SGCZ: variants seen among roughly 807,000 people sequenced by gnomAD.
SGCZ encodes the protein zeta-sarcoglycan.
Under a neutral mutation model 41.3 loss-of-function variants are expected in SGCZ, and 40 were observed. The ratio of observed to expected loss-of-function variants is 0.97; its 90% CI spans 0.75 to 1.26. The LOEUF (loss-of-function observed/expected upper bound fraction) is 1.26. Ranked by LOEUF, SGCZ falls within the 50% of genes most tolerant of loss-of-function variation. SGCZ has a pLI of 0.00. For synonymous variants in SGCZ, 206 were observed against 137.5 expected (o/e 1.50, Z -3.49); for missense variants, 552 against 369.8 (o/e 1.49, Z -4.04).
In SGCZ at chr8:15,107,725, G is replaced by A. The variant is rs145347225; in HGVS notation, c.39+129860C>T. ...GTTACAGCAACACAAAACGGATTAA[G>A]ACAAGTTCTCCATACCTCAATGTTT... On this transcript the variant is annotated intron_variant, in intron 1 of 7. Coordinates refer to ENST00000382080, the MANE Select transcript of SGCZ (RefSeq NM_139167.4). 3.3e-3 allele frequency among the ~76,000 whole-genome samples: 507 copies of A among 152,212 alleles called. 2 individuals carry two copies. The highest frequency in any genetic ancestry group is 5.7e-3 in the Non-Finnish European group (385 of 68,006).
intron 2 of SGCZ, among the ~76,000 whole-genome samples, chr8:14,412,509 C>G (rs142206977): frequency 6.6e-6 from 1 of 152,090 alleles, no homozygotes; most frequent in Non-Finnish European, 1.5e-5. Context: ...TGCTGCCAGG[C>G]CTTGCCTTTT....
At chr8:15,196,451 G>T (rs1050743009) in intron 1 of SGCZ, among the ~76,000 whole-genome samples, 1 of 152,074 alleles carries the variant, frequency 6.6e-6, no homozygotes, top group Non-Finnish European at 1.5e-5. Context: ...TACATGAAAT[G>T]TTATCATCCT....
At chr8:15,060,994 C>T (rs538990945) in intron 1 of SGCZ, among the ~76,000 whole-genome samples, 1 of 152,256 alleles carries the variant, frequency 6.6e-6, no homozygotes, top group Admixed American at 6.5e-5. Flanking sequence ...TTCCTCCCTG[C>T]CTTCTGGATC....
chr8:14,544,394 C>G (rs766293564), intron 2 of SGCZ, among the ~76,000 whole-genome samples: 45 of 151,974 alleles, frequency 3.0e-4, no homozygotes, highest in Non-Finnish European at 5.6e-4. Context: ...TTTTATGGAA[C>G]AAGGGAAGAC....
chr8:15,226,886 G>A (rs1446586676), intron 1 of SGCZ, among the ~76,000 whole-genome samples: 1 of 152,214 alleles, frequency 6.6e-6, no homozygotes, highest in African/African-American at 2.4e-5. Context: ...TGTACGGAAT[G>A]ATGACAAGGG....
chr8:15,114,868 T>C (rs565626035), intron 1 of SGCZ, among the ~76,000 whole-genome samples: 1 of 152,178 alleles, frequency 6.6e-6, no homozygotes, highest in Non-Finnish European at 1.5e-5. Flanking sequence ...GTTCTGATTC[T>C]AAATCCAGAG....
chr8:15,171,265 G>T, intron 1 of SGCZ, among the ~76,000 whole-genome samples: 1 of 152,188 alleles, frequency 6.6e-6, no homozygotes, highest in East Asian at 1.9e-4. Flanking sequence ...AAAGTTGAAA[G>T]AGATTGTGCA....
intron 2 of SGCZ, among the ~76,000 whole-genome samples, chr8:14,473,648 GA>G (rs1801273651): frequency 6.6e-6 from 1 of 151,730 alleles, no homozygotes; most frequent in Admixed American, 6.6e-5. Context: ...AGTAAAAAAT[GA>G]AAAAGCGGCC....
At chr8:14,730,311 T>G (rs1002419544) in intron 1 of SGCZ, among the ~76,000 whole-genome samples, 2 of 152,204 alleles carry the variant, frequency 1.3e-5, no homozygotes, top group African/African-American at 4.8e-5. Context: ...AAACAGAACA[T>G]TTATGGTGAT....
At chr8:14,767,713 A>C (rs749958061) in intron 1 of SGCZ, among the ~76,000 whole-genome samples, 9 of 152,212 alleles carry the variant, frequency 5.9e-5, no homozygotes, top group Non-Finnish European at 2.9e-5. Flanking sequence ...AGACAGTGCC[A>C]ACAGGTGGTC....
At chr8:14,773,414 C>T (rs547947852) in intron 1 of SGCZ, among the ~76,000 whole-genome samples, 1 of 152,222 alleles carries the variant, frequency 6.6e-6, no homozygotes, top group South Asian at 2.1e-4. Context: ...AAGAAAGTGC[C>T]TTTGTTCCTG....
chr8:14,406,919 T>G (rs1263083644), intron 2 of SGCZ, among the ~76,000 whole-genome samples: 1 of 152,070 alleles, frequency 6.6e-6, no homozygotes, highest in African/African-American at 2.4e-5. Context: ...TCAATACAAT[T>G]TGCTATTTAA....
chr8:14,808,842 G>C (rs374971359), intron 1 of SGCZ, among the ~76,000 whole-genome samples: 43 of 151,562 alleles, frequency 2.8e-4, no homozygotes, highest in African/African-American at 9.7e-4. Context: ...AATGTCCAAC[G>C]ATGATAGACT....
intron 3 of SGCZ, among the ~76,000 whole-genome samples, chr8:14,275,071 T>C (rs1373912854): frequency 6.6e-6 from 1 of 152,194 alleles, no homozygotes; most frequent in Non-Finnish European, 1.5e-5. Context: ...GAATCTTTAA[T>C]GTACATGTAG....
intron 1 of SGCZ, among the ~76,000 whole-genome samples, chr8:14,854,053 A>ATG (rs1219645911): frequency 1.5e-5 from 2 of 129,708 alleles, no homozygotes; most frequent in Non-Finnish European, 3.2e-5. Flanking sequence ...ATATATATAT[A>ATG]TATCCTTTTG....
chr8:15,237,791 AAAAT>A lies in SGCZ; in HGVS notation c.-172_-169del, dbSNP rs1802189917. 5.1e-6 allele frequency: 3 copies of A among 585,990 alleles called. No individual in the cohort carries two copies. The highest frequency in any genetic ancestry group is 5.6e-5 in the East Asian group (2 of 35,846). The allele number at this position is 585,990 out of a possible 1,614,324, so 36.3% of individuals were successfully genotyped here. On this transcript the variant is annotated 5_prime_UTR_variant, in exon 1 of 8. Coordinates refer to ENST00000382080, the MANE Select transcript of SGCZ (RefSeq NM_139167.4). ...CGCCTCCACCGGGTTAAAAATAAGGAAAATAAATAAATAATAATGATAATTCACT... is the reference window on the plus strand; with the variant it reads ...CGCCTCCACCGGGTTAAAAATAAGGAAAATAAATAATAATGATAATTCACT...
intron 1 of SGCZ, among the ~76,000 whole-genome samples, chr8:14,679,368 C>T (rs143988993): frequency 2.0e-5 from 3 of 151,836 alleles, no homozygotes; most frequent in Middle Eastern, 3.4e-3. Flanking sequence ...CTGTTATTGG[C>T]CCTGAAGACA....
chr8:14,795,394 C>T (rs537913198), intron 1 of SGCZ, among the ~76,000 whole-genome samples: 51 of 152,078 alleles, frequency 3.4e-4, no homozygotes, highest in Admixed American at 1.6e-3. Flanking sequence ...AGAAAATACA[C>T]TTATCACCTG....
intron 2 of SGCZ, among the ~76,000 whole-genome samples, chr8:14,539,855 C>G (rs76983235): frequency 0.016 from 2,356 of 151,972 alleles, 57 homozygotes; most frequent in African/African-American, 0.054. Context: ...CCATACCAGC[C>G]TGGAATGCAG....
Sources: allele counts gnomAD v4.1 joint callset (sites outside exome capture counted in the v4.1 genomes callset), GRCh38; gene constraint gnomAD v4.1.1; transcripts MANE v1.5; gene names NCBI Gene and HGNC (gene_info 2026-07-23, HGNC 2026-07-21).